Variants in CD5 observed in about 807,000 individuals in gnomAD.
CD5 encodes T-cell surface glycoprotein CD5.
In CD5, 36 loss-of-function variants were observed where a neutral mutation model predicts 60.3. The ratio of observed to expected loss-of-function variants is 0.60; its 90% CI spans 0.46 to 0.79. The LOEUF (loss-of-function observed/expected upper bound fraction) is 0.79. Ranked by LOEUF, CD5 falls within the 30% of genes least tolerant of loss-of-function variation. The probability of loss-of-function intolerance (pLI) is 0.00; values close to 1 mark genes in which losing one functional copy is unlikely to be tolerated. For missense variants in CD5, 540 were observed against 630.6 expected (o/e 0.86, Z 1.54); for synonymous variants, 230 against 257.6 (o/e 0.89, Z 1.03).
chr11:61,117,642 C>A (rs1398914491), intron 2 of CD5, among the ~76,000 whole-genome samples: 1 of 152,082 alleles, frequency 6.6e-6, no homozygotes, highest in Non-Finnish European at 1.5e-5. Context: ...GCGCCTGCCA[C>A]CACACCCAGC....
At chr11:61,122,195 GA>G (rs1308825572) in intron 6 of CD5, among the ~76,000 whole-genome samples, 3 of 152,158 alleles carry the variant, frequency 2.0e-5, no homozygotes. Flanking sequence ...GTGGAAGCCA[GA>G]AAATCAAATG....
intron 1 of CD5, among the ~76,000 whole-genome samples, chr11:61,104,871 C>T (rs1306816727): frequency 6.6e-6 from 1 of 152,236 alleles, no homozygotes; most frequent in Non-Finnish European, 1.5e-5. Flanking sequence ...GCCCAGCATT[C>T]CTGCCTTCAC....
rs776691755 is a variant in CD5, at chr11:61,123,920, C to T, written c.1262C>T (p.Thr421Met). Residue 421 changes from threonine (T) to methionine (M), a missense_variant, in exon 8 of 11, where the codon ACG becomes ATG. Transcript: ENST00000347785. The part of the protein sequence containing the change: ...QKKQRQWIGP[T>M]GMNQNMSFHR... ...AAGCAGCGCCAGTGGATTGGCCCAA[C>T]GGGAATGAACCAAAACAGTAAGTGT... 2 of 1,612,802 alleles carry T rather than the reference C, an allele frequency of 1.2e-6. No individual in the cohort carries two copies. Among genetic ancestry groups the T allele is most frequent in the Admixed American group, 1.7e-5 (1 of 59,912 alleles).
intron 1 of CD5, among the ~76,000 whole-genome samples, chr11:61,109,497 C>A (rs1860821431): frequency 6.6e-6 from 1 of 151,296 alleles, no homozygotes; most frequent in South Asian, 2.1e-4. Context: ...GTTTAAAAAG[C>A]AAAACAAAAT....
At chr11:61,095,019 G>C in the CD5 span, among the ~76,000 whole-genome samples, 1 of 152,190 alleles carries the variant, frequency 6.6e-6, no homozygotes, top group African/African-American at 2.4e-5. Context: ...AGCAGTACTA[G>C]TAGCAAAGGG....
In CD5 at chr11:61,119,011, G is replaced by C. The variant is rs746396470; in HGVS notation, c.463+34G>C. The C allele has an allele frequency of 3.2e-6, 5 of 1,553,528 alleles. No homozygotes were observed. The South Asian group carries it at 5.8e-5, about 18-fold the overall frequency. On this transcript the variant is annotated intron_variant, in intron 4 of 10. Coordinates refer to ENST00000347785, the MANE Select transcript of CD5 (RefSeq NM_014207.4). ...ATTCTGAACCCCCCACAGGGAGTCAGAGCTAGCAAATAAAAACCCAGGATG... is the reference window on the plus strand; with the variant it reads ...ATTCTGAACCCCCCACAGGGAGTCACAGCTAGCAAATAAAAACCCAGGATG...
At chr11:61,125,288 T>TCAAAC in intron 9 of CD5, 137 bp downstream of exon 9, 1 of 940,462 alleles carries the variant, frequency 1.1e-6, no homozygotes, top group Non-Finnish European at 1.6e-6. Context: ...GGATCAAACA[T>TCAAAC]CGCAGGATGC....
chr11:61,102,392 T>C (rs1336502975), upstream of CD5: 4 of 605,616 alleles, frequency 6.6e-6, no homozygotes, highest in Non-Finnish European at 1.2e-5. Context: ...AAGTTGACAG[T>C]TCAACTTCAA....
upstream of CD5, among the ~76,000 whole-genome samples, chr11:61,100,122 C>T (rs1860643325): frequency 7.4e-6 from 1 of 135,464 alleles, no homozygotes; most frequent in South Asian, 2.5e-4. Context: ...ATGGAGATCA[C>T]ATTCACACAC....
intron 6 of CD5, 141 bp downstream of exon 6, chr11:61,122,045 A>C: frequency 1.5e-6 from 1 of 663,600 alleles, no homozygotes; most frequent in Middle Eastern, 3.2e-4. Flanking sequence ...GAGACAGGGA[A>C]ATTGGAAGGC....
the CD5 span, among the ~76,000 whole-genome samples, chr11:61,096,898 G>A: frequency 6.6e-6 from 1 of 152,212 alleles, no homozygotes; most frequent in African/African-American, 2.4e-5. Flanking sequence ...CTGGTTCCCA[G>A]AGAAGCTCTC....
In CD5 at chr11:61,122,922, C is replaced by T; in HGVS notation, c.1115C>T (p.Pro372Leu). The T allele has an allele frequency of 1.2e-6, 2 of 1,613,816 alleles. No individual in the cohort carries two copies. The highest frequency in any genetic ancestry group is 1.7e-6 in the Non-Finnish European group (2 of 1,179,804). Residue 372 changes from proline (P) to leucine (L), a missense_variant, in exon 7 of 11, where the codon CCC becomes CTC. Coordinates refer to ENST00000347785, the MANE Select transcript of CD5 (RefSeq NM_014207.4). ...KVFVTCQDPN[P>L]AGLAAGTVAS... ...CCTTCCCCAGGCCAGGATCCAAACC[C>T]CGCAGGCCTGGCCGCAGGCACGGTG... is the stretch of plus-strand genomic sequence containing the variant.
intron 1 of CD5, among the ~76,000 whole-genome samples, chr11:61,111,404 G>A (rs911270428): frequency 6.6e-6 from 1 of 152,194 alleles, no homozygotes; most frequent in African/African-American, 2.4e-5. Context: ...TGATGGGGCT[G>A]TGTGGAAGAT....
rs889903911 is a variant in CD5, at chr11:61,118,033, G to A, written c.95-142G>A. ...GGGAAGCCCCTGCAGTGCCCCAGAA[G>A]GGACGAAGCTCACAAGGGGCAAGGC... On this transcript the variant is annotated intron_variant, in intron 2 of 10. Transcript: ENST00000347785. This position sits in a 1 kb window ranked among gnomAD's most constrained non-coding sequence, Gnocchi z 4.7. The A allele has an allele frequency of 1.1e-5, 9 of 832,140 alleles. No individual in the cohort carries two copies. The highest frequency in any genetic ancestry group is 7.8e-5 in the Admixed American group (3 of 38,610). The allele number at this position is 832,140 out of a possible 1,614,324, so 51.5% of individuals were successfully genotyped here. A position where few individuals can be genotyped will look rare whatever the true frequency, so the allele number is the denominator to read the frequency against.
Position 61,118,036 on chromosome 11 carries a change from A to T in CD5, c.95-139A>T. 3 of 852,498 alleles carry T rather than the reference A, an allele frequency of 3.5e-6. No individual in the cohort carries two copies. The highest frequency in any genetic ancestry group is 5.5e-6 in the Non-Finnish European group (3 of 550,142). 52.8% of individuals were successfully genotyped at this position (852,498 alleles called of 1,614,324 possible). A position where few individuals can be genotyped will look rare whatever the true frequency, so the allele number is the denominator to read the frequency against. ...AAGCCCCTGCAGTGCCCCAGAAGGGACGAAGCTCACAAGGGGCAAGGCAGG... is the reference window on the plus strand; with the variant it reads ...AAGCCCCTGCAGTGCCCCAGAAGGGTCGAAGCTCACAAGGGGCAAGGCAGG... On this transcript the variant is annotated intron_variant, in intron 2 of 10. Coordinates refer to ENST00000347785, the MANE Select transcript of CD5 (RefSeq NM_014207.4). This position sits in a 1 kb window ranked among gnomAD's most constrained non-coding sequence, Gnocchi z 4.7.
At position 61,119,366 on chromosome 11, in the gene CD5, TC is replaced by T. The variant is rs775180643; in HGVS notation, c.598del (p.Leu200SerfsTer11). On this transcript the variant is annotated frameshift_variant, in exon 5 of 11. Coordinates refer to ENST00000347785, the MANE Select transcript of CD5 (RefSeq NM_014207.4). LOFTEE classifies it high-confidence loss of function. ...GACAAGACCCAGGACCTGGAGAACT[TC>T]CTCTGCAACAACCTCCAGTGTGGCT... is the stretch of plus-strand genomic sequence containing the variant. Reference protein sequence around the residue: ...AQDKTQDLENFLCNNLQCGSF... With the variant: ...AQDKTQDLENXLCNNLQCGSF... The T allele has an allele frequency of 1.9e-6, 3 of 1,614,100 alleles. No individual in the cohort carries two copies. In the East Asian group the frequency reaches 6.7e-5, roughly 36 times the overall value.
chr11:61,118,074 C>G lies in CD5; in HGVS notation c.95-101C>G, dbSNP rs1174595461. 8.0e-7 allele frequency: 1 copy of G among 1,250,888 alleles called. No homozygotes were observed. Among genetic ancestry groups the G allele is most frequent in the African/African-American group, 1.5e-5 (1 of 67,466 alleles). The allele number at this position is 1,250,888 out of a possible 1,614,324, so 77.5% of individuals were successfully genotyped here. On this transcript the variant is annotated intron_variant, in intron 2 of 10. Transcript: ENST00000347785. The surrounding 1 kb of genome is among the most constrained non-coding windows in gnomAD (Gnocchi z 4.7). The stretch of plus-strand genomic sequence containing the variant: ...GGGGCAAGGCAGGCAGCCCACGGGG[C>G]AGGAGGGAGCTCAACTGGGCGTCCT...
chr11:61,105,665 G>A (rs1860767224), intron 1 of CD5, among the ~76,000 whole-genome samples: 2 of 152,130 alleles, frequency 1.3e-5, no homozygotes, highest in African/African-American at 4.8e-5. Flanking sequence ...CTCTTGCACA[G>A]GCTATTTATT....
At chr11:61,116,543 A>ACACACACAC (rs1328487529) in intron 2 of CD5, among the ~76,000 whole-genome samples, 1 of 87,984 alleles carries the variant, frequency 1.1e-5, no homozygotes, top group Non-Finnish European at 2.3e-5. Context: ...CCCACACCAC[A>ACACACACAC]CACACACACC....
Sources: allele counts gnomAD v4.1 joint callset (sites outside exome capture counted in the v4.1 genomes callset), GRCh38; gene constraint gnomAD v4.1.1; non-coding constraint Gnocchi (gnomAD v3.1); transcripts MANE v1.5; gene names NCBI Gene and HGNC (gene_info 2026-07-23, HGNC 2026-07-21).